CPQ: variants seen among roughly 807,000 people sequenced by gnomAD.
CPQ encodes Ser-Met dipeptidase.
A neutral mutation model predicts 45.7 loss-of-function variants in CPQ; 37 were observed. The observed-to-expected ratio is 0.81, with a 90% CI of 0.62 to 1.07. The LOEUF is 1.07. CPQ is among the 50% of genes least tolerant of loss of function. CPQ has a pLI of 0.00. For synonymous variants in CPQ, 186 were observed against 205.8 expected, an observed-to-expected ratio of 0.90 and a Z score of 0.82; for missense variants, 537 against 572.9, an observed-to-expected ratio of 0.94 and a Z score of 0.64.
intron 4 of CPQ, among the ~76,000 whole-genome samples, chr8:96,937,351 G>A (rs1017889759): frequency 6.6e-6 from 1 of 152,076 alleles, no homozygotes; most frequent in Admixed American, 6.5e-5. Flanking sequence ...GAGGAGCCTG[G>A]ACCTGAATTT....
intron 6 of CPQ, among the ~76,000 whole-genome samples, chr8:97,042,721 T>G (rs1810152432): frequency 6.6e-6 from 1 of 151,702 alleles, no homozygotes; most frequent in African/African-American, 2.4e-5. Context: ...ACATCTTTAT[T>G]TCTGCCTTCA....
chr8:97,090,154 G>A (rs1358537927), intron 7 of CPQ, among the ~76,000 whole-genome samples: 4 of 152,176 alleles, frequency 2.6e-5, no homozygotes, highest in African/African-American at 9.7e-5. Flanking sequence ...TGGATTCTGA[G>A]AGTTCCCTGG....
intron 5 of CPQ, among the ~76,000 whole-genome samples, chr8:96,991,936 C>T (rs2130407616): frequency 6.6e-6 from 1 of 152,326 alleles, no homozygotes; most frequent in East Asian, 1.9e-4. Flanking sequence ...AGACCAACCA[C>T]TCACCATGGT....
intron 2 of CPQ, among the ~76,000 whole-genome samples, chr8:96,793,323 A>T (rs1810877286): frequency 6.6e-6 from 1 of 152,204 alleles, no homozygotes; most frequent in African/African-American, 2.4e-5. Context: ...ACGTGGCTTG[A>T]GAGGCCTCAC....
At chr8:97,042,869 G>T (rs2130492647) in intron 6 of CPQ, among the ~76,000 whole-genome samples, 1 of 152,150 alleles carries the variant, frequency 6.6e-6, no homozygotes, top group African/African-American at 2.4e-5. Context: ...TATAATTTCT[G>T]TTCTTTTACA....
At chr8:97,077,721 T>A in intron 7 of CPQ, among the ~76,000 whole-genome samples, 1 of 152,298 alleles carries the variant, frequency 6.6e-6, no homozygotes, top group African/African-American at 2.4e-5. Flanking sequence ...ATTGTAGAAT[T>A]TTTTTAAATT....
intron 5 of CPQ, among the ~76,000 whole-genome samples, chr8:96,987,929 A>T (rs141214107): frequency 4.7e-4 from 72 of 152,334 alleles, no homozygotes; most frequent in African/African-American, 1.6e-3. Context: ...AATTCCCATG[A>T]TGAGAGTCAT....
Position 97,034,025 on chromosome 8 carries a change from A to T in CPQ, c.1053+4531A>T, listed in dbSNP as rs191359917. 1.6e-3 allele frequency among the ~76,000 whole-genome samples: 251 copies of T among 152,310 alleles called. 3 individuals carry two copies. The highest frequency in any genetic ancestry group is 0.013 in the Admixed American group (194 of 15,292). On this transcript the variant is annotated intron_variant, in intron 6 of 7. Coordinates refer to ENST00000220763, the MANE Select transcript of CPQ (RefSeq NM_016134.4). ...TACTTCATAATTATGCTTTCTTATG[A>T]CATATCAGCTCAATTATTATAATAC...
At chr8:96,803,650 A>C (rs1024259973) in intron 2 of CPQ, among the ~76,000 whole-genome samples, 1 of 152,136 alleles carries the variant, frequency 6.6e-6, no homozygotes, top group African/African-American at 2.4e-5. Flanking sequence ...CTCATATGCA[A>C]TGCTCCCAAG....
intron 1 of CPQ, among the ~76,000 whole-genome samples, chr8:96,656,695 G>A (rs1054527355): frequency 6.6e-6 from 1 of 152,164 alleles, no homozygotes; most frequent in Non-Finnish European, 1.5e-5. Flanking sequence ...CATTGAGGTC[G>A]CCTCTGAGGC....
At chr8:96,904,472 G>A (rs1812550964) in intron 4 of CPQ, among the ~76,000 whole-genome samples, 1 of 152,150 alleles carries the variant, frequency 6.6e-6, no homozygotes, top group African/African-American at 2.4e-5. Context: ...TGAGATCTGG[G>A]ATCTGATTGC....
chr8:96,657,897 G>A (rs868733536), intron 1 of CPQ, among the ~76,000 whole-genome samples: 4 of 152,094 alleles, frequency 2.6e-5, no homozygotes, highest in African/African-American at 4.8e-5. Flanking sequence ...GTTTATATAC[G>A]TATGTCTCTT....
chr8:96,649,685 C>G (rs1325505017), intron 1 of CPQ, among the ~76,000 whole-genome samples: 3 of 152,150 alleles, frequency 2.0e-5, no homozygotes, highest in African/African-American at 7.2e-5. Flanking sequence ...CAGGATATAG[C>G]CTTTTCTGTA....
chr8:96,898,776 T>TAAAAAAAAA (rs11390361), intron 4 of CPQ, among the ~76,000 whole-genome samples: 1 of 137,646 alleles, frequency 7.3e-6, no homozygotes, highest in Admixed American at 7.2e-5. Context: ...TAGGGTATAA[T>TAAAAAAAAA]AAAAAAAAAA....
chr8:96,710,374 T>C (rs1296178038), intron 1 of CPQ, among the ~76,000 whole-genome samples: 2 of 152,290 alleles, frequency 1.3e-5, no homozygotes, highest in South Asian at 4.1e-4. Context: ...TTGTTATTTC[T>C]TTTCTTCTGC....
intron 6 of CPQ, among the ~76,000 whole-genome samples, chr8:97,048,461 C>T (rs1460925905): frequency 6.6e-6 from 1 of 152,184 alleles, no homozygotes; most frequent in Non-Finnish European, 1.5e-5. Context: ...AATAATTTAA[C>T]ACTGTTTTGT....
At chr8:96,977,921 A>C (rs927061610) in intron 5 of CPQ, among the ~76,000 whole-genome samples, 1 of 152,156 alleles carries the variant, frequency 6.6e-6, no homozygotes, top group Non-Finnish European at 1.5e-5. Flanking sequence ...ATTACCACTA[A>C]ATAACTTACT....
chr8:96,970,139 C>T (rs1370300860), intron 5 of CPQ, among the ~76,000 whole-genome samples: 1 of 152,128 alleles, frequency 6.6e-6, no homozygotes, highest in African/African-American at 2.4e-5. Context: ...CTTGGAAAAG[C>T]CCCAGGAAAT....
chr8:96,861,697 A>C (rs149242385), intron 3 of CPQ, among the ~76,000 whole-genome samples: 230 of 152,288 alleles, frequency 1.5e-3, no homozygotes, highest in African/African-American at 5.3e-3. Context: ...AACAAAAATT[A>C]GATAATTACT....
Sources: gnomAD v4.1 joint callset for allele counts (sites outside exome capture counted in the v4.1 genomes callset) on GRCh38, gnomAD v4.1.1 for gene constraint, MANE v1.5 for transcripts, NCBI Gene and HGNC (gene_info 2026-07-23, HGNC 2026-07-21) for gene names.